Variants in NCS1 observed in about 807,000 individuals in gnomAD.
NCS1 encodes the protein neuronal calcium sensor 1, also known as frequenin homolog.
Under a neutral mutation model 28.4 loss-of-function variants are expected in NCS1, and 6 were observed. The ratio of observed to expected loss-of-function variants is 0.21; its 90% CI spans 0.12 to 0.42. NCS1 has a LOEUF of 0.42. Among genes scored for constraint, NCS1 ranks in the 10% least tolerant of loss-of-function variants. NCS1 has a pLI of 1.00. For missense variants in NCS1, 131 were observed against 241.4 expected (o/e 0.54, Z 3.03); for synonymous variants, 86 against 99.3 (o/e 0.87, Z 0.79).
intron 1 of NCS1, among the ~76,000 whole-genome samples, chr9:130,179,499 A>G (rs925957955): frequency 3.3e-5 from 5 of 152,190 alleles, no homozygotes; most frequent in Non-Finnish European, 5.9e-5. Context: ...AAATCTTTGC[A>G]CTTATCTTTT....
At chr9:130,230,797 C>T (rs1833490851) in intron 7 of NCS1, among the ~76,000 whole-genome samples, 2 of 19,766 alleles carry the variant, frequency 1.0e-4, no homozygotes, top group African/African-American at 2.6e-4. Context: ...CATCTGTGCC[C>T]TCCCCCCCCA....
intron 1 of NCS1, chr9:130,200,469 AG>A (rs1554907330): frequency 1.9e-6 from 2 of 1,042,756 alleles, no homozygotes; most frequent in East Asian, 2.6e-5. Flanking sequence ...GCTGACAGGG[AG>A]GGTGGTCCAC....
At chr9:130,227,022 CA>C (rs782338218) in intron 7 of NCS1, among the ~76,000 whole-genome samples, 584 of 42,684 alleles carry the variant, frequency 0.014, 3 homozygotes, top group African/African-American at 0.047. Flanking sequence ...GACTCCATCT[CA>C]AAAAAAAAAA....
chr9:130,211,898 G>T (rs1335420230), intron 2 of NCS1, among the ~76,000 whole-genome samples: 1 of 152,202 alleles, frequency 6.6e-6, no homozygotes, highest in Non-Finnish European at 1.5e-5. Context: ...CTGGGGGATG[G>T]GGTGCTGGGA....
intron 2 of NCS1, among the ~76,000 whole-genome samples, chr9:130,202,049 C>G (rs1424307015): frequency 1.3e-5 from 2 of 152,238 alleles, no homozygotes; most frequent in Non-Finnish European, 2.9e-5. Context: ...CCTTCACACA[C>G]GCCAGCCAGA....
In NCS1 at chr9:130,226,515, ACT is replaced by A; in HGVS notation, c.*17+13_*17+14del. On this transcript the variant is annotated intron_variant, in intron 7 of 7. Transcript: ENST00000372398. This position sits in a 1 kb window ranked among gnomAD's most constrained non-coding sequence, Gnocchi z 4.8. ...CCAGGCTGGAGCTGGGTGAGTGCAG[ACT>A]CGGGGCCTGGGGTGGGTCTGGGATG... 1.3e-6 allele frequency: 2 copies of A among 1,594,812 alleles called. No homozygotes were observed. Among genetic ancestry groups the A allele is most frequent in the Non-Finnish European group, 1.7e-6 (2 of 1,166,358 alleles).
At chr9:130,224,115 G>A (rs1371192312) in intron 6 of NCS1, among the ~76,000 whole-genome samples, 1 of 150,516 alleles carries the variant, frequency 6.6e-6, no homozygotes, top group Non-Finnish European at 1.5e-5. Flanking sequence ...CAAAGTGCTG[G>A]GATTATAGGC....
chr9:130,230,564 C>T (rs1833487553), intron 7 of NCS1, among the ~76,000 whole-genome samples: 2 of 152,002 alleles, frequency 1.3e-5, no homozygotes, highest in East Asian at 3.9e-4. Flanking sequence ...TGAAAATTAG[C>T]CAGGTGTGGT....
chr9:130,221,162 T>G (rs1833279862), intron 4 of NCS1, among the ~76,000 whole-genome samples: 1 of 151,808 alleles, frequency 6.6e-6, no homozygotes, highest in Non-Finnish European at 1.5e-5. Flanking sequence ...TAGCTGGGAT[T>G]ACAGGCATGT....
At chr9:130,228,394 T>G (rs532768040) in intron 7 of NCS1, among the ~76,000 whole-genome samples, 15 of 152,120 alleles carry the variant, frequency 9.9e-5, no homozygotes, top group South Asian at 2.1e-4. Context: ...GTTTTGTTTT[T>G]TTTCTGTAGT....
At chr9:130,223,223 A>G (rs1013738828) in intron 6 of NCS1, 64 bp downstream of exon 6, 7 of 1,495,812 alleles carry the variant, frequency 4.7e-6, no homozygotes, top group Non-Finnish European at 6.5e-6. Context: ...CAGGAATTGG[A>G]GTCCCTGGAT....
At chr9:130,225,831 G>A (rs1252675407) in intron 6 of NCS1, among the ~76,000 whole-genome samples, 2 of 152,136 alleles carry the variant, frequency 1.3e-5, no homozygotes, top group Non-Finnish European at 2.9e-5. Flanking sequence ...TTTCCTTGTG[G>A]TCCGCCGGCT....
At chr9:130,194,248 C>G (rs1380514268) in intron 1 of NCS1, among the ~76,000 whole-genome samples, 10 of 150,014 alleles carry the variant, frequency 6.7e-5, no homozygotes, top group African/African-American at 2.2e-4. Context: ...GACTGGCTCT[C>G]GTGTTCATTC....
chr9:130,224,226 G>A lies in NCS1; in HGVS notation c.474+1067G>A, dbSNP rs569255441. Among the ~76,000 whole-genome samples the A allele has an allele frequency of 8.4e-4, 126 of 149,250 alleles. 1 individual carries two copies. The highest frequency in any genetic ancestry group is 3.0e-3 in the African/African-American group (121 of 40,726). ...TCCCAGCATTTTGGGAGGCCGAGGC[G>A]GGTGAATCACCTGAGGTCAGGAGTT... On this transcript the variant is annotated intron_variant, in intron 6 of 7. Transcript: ENST00000372398.
chr9:130,220,443 C>T (rs1833261805), intron 4 of NCS1, among the ~76,000 whole-genome samples: 1 of 149,966 alleles, frequency 6.7e-6, no homozygotes, highest in Non-Finnish European at 1.5e-5. Context: ...GAGTTGTGAG[C>T]AGGAGAGGAC....
chr9:130,224,590 A>C (rs1371712961), intron 6 of NCS1, among the ~76,000 whole-genome samples: 3 of 151,710 alleles, frequency 2.0e-5, no homozygotes, highest in Admixed American at 6.6e-5. Context: ...GGAACCATAG[A>C]CACTGGAGCC....
chr9:130,199,657 G>T (rs1440382258), intron 1 of NCS1, among the ~76,000 whole-genome samples: 1 of 152,260 alleles, frequency 6.6e-6, no homozygotes, highest in Non-Finnish European at 1.5e-5. Flanking sequence ...AAGAGCCGTT[G>T]AGCTAAAGCA....
rs546065339 is a variant in NCS1, at chr9:130,192,975, G to A, written c.65-7983G>A. Reference sequence around the variant, plus strand: ...CGAAACCCAAACTGGGGAAAAAACCGGTCACACAGCAACGGAGTGGCAGAT... The same window carrying A: ...CGAAACCCAAACTGGGGAAAAAACCAGTCACACAGCAACGGAGTGGCAGAT... On this transcript the variant is annotated intron_variant, in intron 1 of 7. Coordinates refer to ENST00000372398, the MANE Select transcript of NCS1 (RefSeq NM_014286.4). The surrounding 1 kb of genome is among the most constrained non-coding windows in gnomAD (Gnocchi z 4.8). 2.1e-4 allele frequency among the ~76,000 whole-genome samples: 32 copies of A among 152,324 alleles called. No homozygotes were observed. The highest frequency in any genetic ancestry group is 7.0e-4 in the African/African-American group (29 of 41,574).
rs1419297682 is a variant in NCS1 at position 130,180,208 on chromosome 9, A to G, written c.64+7481A>G. ...ACCACCACACCTGGCTAATTTTTGT[A>G]TTTTTAGTGGAGATGGGGTCTTGCC... On this transcript the variant is annotated intron_variant, in intron 1 of 7. Transcript: ENST00000372398. This position sits in a 1 kb window ranked among gnomAD's most constrained non-coding sequence, Gnocchi z 4.5. Among the ~76,000 whole-genome samples the G allele has an allele frequency of 6.6e-6, 1 of 151,930 alleles. No individual in the cohort carries two copies. Among genetic ancestry groups the G allele is most frequent in the Non-Finnish European group, 1.5e-5 (1 of 67,978 alleles).
Sources: gnomAD v4.1 joint callset for allele counts (sites outside exome capture counted in the v4.1 genomes callset) on GRCh38, gnomAD v4.1.1 for gene constraint, Gnocchi (gnomAD v3.1) non-coding constraint, MANE v1.5 for transcripts, NCBI Gene and HGNC (gene_info 2026-07-23, HGNC 2026-07-21) for gene names.